SPECC1: variants seen among roughly 807,000 people sequenced by gnomAD.
The protein encoded by SPECC1 is sperm antigen with calponin homology and coiled-coil domains 1.
A neutral mutation model predicts 104.1 loss-of-function variants in SPECC1; 62 were observed. The observed-to-expected ratio is 0.60, with a 90% CI of 0.49 to 0.74. The LOEUF (loss-of-function observed/expected upper bound fraction) is 0.74. Ranked by LOEUF, SPECC1 falls within the 30% of genes least tolerant of loss-of-function variation. The probability of loss-of-function intolerance (pLI) is 0.00; values close to 1 mark genes in which losing one functional copy is unlikely to be tolerated. For synonymous variants in SPECC1, 513 were observed against 501.6 expected, an observed-to-expected ratio of 1.02 and a Z score of -0.30; for missense variants, 1,306 against 1,310.5, an observed-to-expected ratio of 1.00 and a Z score of 0.05.
chr17:20,284,134 A>G (rs1307539782), intron 12 of SPECC1, among the ~76,000 whole-genome samples: 1 of 152,190 alleles, frequency 6.6e-6, no homozygotes, highest in East Asian at 1.9e-4. Flanking sequence ...ACTCATCTCT[A>G]GGAAACAAGC....
intron 12 of SPECC1, among the ~76,000 whole-genome samples, chr17:20,291,950 T>C (rs2041181507): frequency 6.7e-6 from 1 of 149,846 alleles, no homozygotes; most frequent in Non-Finnish European, 1.5e-5. Flanking sequence ...TCAGCATTGC[T>C]CTTGGGAAAG....
At chr17:20,015,472 C>T (rs1428487625) in intron 1 of SPECC1, among the ~76,000 whole-genome samples, 1 of 151,410 alleles carries the variant, frequency 6.6e-6, no homozygotes, top group Non-Finnish European at 1.5e-5. Flanking sequence ...GTTCCTTGGG[C>T]TGGTTTTGCA....
chr17:20,143,963 AGG>A (rs1382027786), intron 3 of SPECC1, among the ~76,000 whole-genome samples: 1 of 151,960 alleles, frequency 6.6e-6, no homozygotes, highest in Non-Finnish European at 1.5e-5. Context: ...TAGTGGAGGG[AGG>A]GGCCTAGGCT....
chr17:20,044,188 G>A lies in SPECC1; in HGVS notation c.-22+34764G>A, dbSNP rs570390035. Among the ~76,000 whole-genome samples, 5 of 152,202 alleles carry A rather than the reference G, an allele frequency of 3.3e-5. No homozygotes were observed. In the East Asian group the frequency reaches 9.7e-4, roughly 29 times the overall value. On this transcript the variant is annotated intron_variant, in intron 1 of 14. Coordinates refer to ENST00000395527, the MANE Select transcript of SPECC1 (RefSeq NM_001243439.2). ...TGGAAATGTTCATAGGCCCTGGGCA[G>A]ATTATTCAGTGTTTCAGAACTTGTT...
In SPECC1 at chr17:20,204,697, A is replaced by G. The variant is rs565581315; in HGVS notation, c.648A>G (p.Ser216=). 6.2e-7 allele frequency: 1 copy of G among 1,613,910 alleles called. No individual in the cohort carries two copies. Among genetic ancestry groups the G allele is most frequent in the Non-Finnish European group, 8.5e-7 (1 of 1,179,968 alleles). Residue 216 remains serine, a synonymous_variant, in exon 4 of 15, where the codon TCA becomes TCG. Transcript: ENST00000395527. ...TGGGCCCAAATGTCGATGGAACATC[A>G]GTCTCCCCAGGTGACACGGAACCTA... ...DALGPNVDGT[S]VSPGDTEPMI... is the part of the protein sequence containing the mutation.
chr17:20,009,710 C>T lies in SPECC1; in HGVS notation c.-22+286C>T, dbSNP rs2043866765. ...GCGGCAGGTGGCCGCCTCCTCCCCT[C>T]CGGGCCCGAGGGTTGTCGCAGGGAC... is the stretch of plus-strand genomic sequence containing the variant. On this transcript the variant is annotated intron_variant, in intron 1 of 14. Coordinates refer to ENST00000395527, the MANE Select transcript of SPECC1 (RefSeq NM_001243439.2). This position sits in a 1 kb window ranked among gnomAD's most constrained non-coding sequence, Gnocchi z 5.2. Among the ~76,000 whole-genome samples, 1 of 152,122 alleles carries T rather than the reference C, an allele frequency of 6.6e-6. No individual in the cohort carries two copies.
intron 3 of SPECC1, among the ~76,000 whole-genome samples, chr17:20,170,959 A>G (rs1486503802): frequency 6.6e-6 from 1 of 152,168 alleles, no homozygotes. Context: ...TTTTCTCTCT[A>G]GCACAAGCAG....
chr17:20,079,913 A>G (rs966126327), intron 1 of SPECC1, among the ~76,000 whole-genome samples: 6 of 152,158 alleles, frequency 3.9e-5, no homozygotes, highest in African/African-American at 1.4e-4. Context: ...GAGAGCCTGC[A>G]TCGCTGCAGT....
intron 1 of SPECC1, chr17:20,017,406 ACGAACCCACCAGAAGGAAGAAACTC>A (rs1013814556): frequency 3.2e-5 from 5 of 153,864 alleles, no homozygotes; most frequent in African/African-American, 9.6e-5. Flanking sequence ...CAGCGAGACT[ACGAACCCACCAGAAGGAAGAAACTC>A]CGAACACATC....
chr17:20,065,373 C>T lies in SPECC1; in HGVS notation c.-21-31258C>T, dbSNP rs1597639274. The stretch of plus-strand genomic sequence containing the variant: ...TCTGGAACTTCTGACCAACTGGCTT[C>T]AAGTTGGGGTTCCCATGACTCCTCT... On this transcript the variant is annotated intron_variant, in intron 1 of 14. Transcript: ENST00000395527. Among the ~76,000 whole-genome samples the T allele has an allele frequency of 2.9e-5, 4 of 136,506 alleles. No homozygotes were observed. The South Asian group carries it at 9.0e-4, about 31-fold the overall frequency. The allele number at this position is 136,506 out of a possible 152,430, so 89.6% of individuals were successfully genotyped here. A position where few individuals can be genotyped will look rare whatever the true frequency, so the allele number is the denominator to read the frequency against.
At chr17:20,235,522 G>A (rs1181904778) in intron 7 of SPECC1, among the ~76,000 whole-genome samples, 1 of 152,146 alleles carries the variant, frequency 6.6e-6, no homozygotes, top group East Asian at 1.9e-4. Context: ...AACACAGGCA[G>A]CTCAATGTAA....
intron 7 of SPECC1, chr17:20,237,983 C>G (rs1201842864): frequency 2.0e-6 from 2 of 985,928 alleles, no homozygotes; most frequent in Non-Finnish European, 2.4e-6. Flanking sequence ...CTCAAGTGAT[C>G]TGGCCGCCTC....
chr17:20,011,533 C>T (rs1373703729), intron 1 of SPECC1, among the ~76,000 whole-genome samples: 1 of 151,754 alleles, frequency 6.6e-6, no homozygotes, highest in African/African-American at 2.4e-5. Context: ...TTTGATCAGA[C>T]TTGCTTAATG....
chr17:20,202,277 T>G (rs531145553), intron 3 of SPECC1, among the ~76,000 whole-genome samples: 2 of 152,198 alleles, frequency 1.3e-5, no homozygotes, highest in South Asian at 4.2e-4. Flanking sequence ...TAATCATCTC[T>G]GTGGGAGCAG....
chr17:20,200,375 T>C (rs577228561), intron 3 of SPECC1, among the ~76,000 whole-genome samples: 1 of 152,328 alleles, frequency 6.6e-6, no homozygotes, highest in South Asian at 2.1e-4. Context: ...ACTTCAAACA[T>C]GTTTCTTCTT....
intron 1 of SPECC1, among the ~76,000 whole-genome samples, chr17:20,012,754 A>G (rs960901088): frequency 6.6e-6 from 1 of 152,156 alleles, no homozygotes; most frequent in Middle Eastern, 3.4e-3. Flanking sequence ...ACCATTTACT[A>G]CTTTTAAGTT....
At chr17:20,268,858 A>ACCCGCT (rs1031904576) in intron 12 of SPECC1, among the ~76,000 whole-genome samples, 5 of 151,958 alleles carry the variant, frequency 3.3e-5, no homozygotes, top group African/African-American at 1.2e-4. Context: ...GCTGTGGGGC[A>ACCCGCT]CCCGCTCCCA....
At chr17:20,052,968 T>G (rs779540384) in intron 1 of SPECC1, among the ~76,000 whole-genome samples, 1 of 152,226 alleles carries the variant, frequency 6.6e-6, no homozygotes, top group Non-Finnish European at 1.5e-5. Context: ...GCACCCATTC[T>G]TTCTTATTTT....
chr17:20,315,122 T>C lies in SPECC1; in HGVS notation c.*1057T>C, dbSNP rs1387441926. 8.6e-6 allele frequency: 2 copies of C among 232,926 alleles called. No individual in the cohort carries two copies. The highest frequency in any genetic ancestry group is 1.7e-5 in the Non-Finnish European group (2 of 117,936). The allele number at this position is 232,926 out of a possible 1,614,324, so 14.4% of individuals were successfully genotyped here. ...CATGTGTGAATGGCCTGTGTCTGCTTTACAGGGTTGAGCAGGCTGAGGGTG... is the reference window on the plus strand; with the variant it reads ...CATGTGTGAATGGCCTGTGTCTGCTCTACAGGGTTGAGCAGGCTGAGGGTG... On this transcript the variant is annotated 3_prime_UTR_variant, in exon 15 of 15. Coordinates refer to ENST00000395527, the MANE Select transcript of SPECC1 (RefSeq NM_001243439.2).
Sources: allele counts gnomAD v4.1 joint callset (sites outside exome capture counted in the v4.1 genomes callset), GRCh38; gene constraint gnomAD v4.1.1; non-coding constraint Gnocchi (gnomAD v3.1); transcripts MANE v1.5; gene names NCBI Gene and HGNC (gene_info 2026-07-23, HGNC 2026-07-21).